Variants in PTPRT observed in about 807,000 individuals in gnomAD.
The protein encoded by PTPRT is protein tyrosine phosphatase receptor type T.
In PTPRT, 56 loss-of-function variants were observed where a neutral mutation model predicts 176.8. That is an observed-to-expected ratio of 0.32 (90% confidence interval 0.26 to 0.40). PTPRT has a LOEUF of 0.40. Ranked by LOEUF, PTPRT falls within the 10% of genes least tolerant of loss-of-function variation. The probability of loss-of-function intolerance (pLI) is 1.00; values close to 1 mark genes in which losing one functional copy is unlikely to be tolerated. For synonymous variants in PTPRT, 783 were observed against 739.0 expected, an observed-to-expected ratio of 1.06 and a Z score of -0.96; for missense variants, 1,540 against 1,908.2, an observed-to-expected ratio of 0.81 and a Z score of 3.60.
At chr20:43,018,747 C>T (rs979410357) in intron 1 of PTPRT, among the ~76,000 whole-genome samples, 2 of 152,074 alleles carry the variant, frequency 1.3e-5, no homozygotes, top group Admixed American at 1.3e-4. Flanking sequence ...ACAAGAAAAA[C>T]AACGCAAACA....
intron 1 of PTPRT, among the ~76,000 whole-genome samples, chr20:43,014,122 T>C (rs1222328191): frequency 6.6e-6 from 1 of 152,108 alleles, no homozygotes; most frequent in African/African-American, 2.4e-5. Flanking sequence ...TATTGAATCA[T>C]GGGAAAAACA....
At chr20:42,961,689 A>G (rs1600597954) in intron 1 of PTPRT, among the ~76,000 whole-genome samples, 1 of 152,294 alleles carries the variant, frequency 6.6e-6, no homozygotes, top group East Asian at 1.9e-4. Flanking sequence ...TACTGTGGTC[A>G]GTTGAATGAT....
Position 42,079,913 on chromosome 20 carries a change from C to G in PTPRT, c.*966G>C, listed in dbSNP as rs1238684122. ...GAGATTTGTCTTAGAGGTACATACT[C>G]AAACTCCCCCGCCCCCTTCTTTTTG... On this transcript the variant is annotated 3_prime_UTR_variant, in exon 31 of 31. Coordinates refer to ENST00000373187, the MANE Select transcript of PTPRT (RefSeq NM_007050.6). 1 of 232,496 alleles carries G rather than the reference C, an allele frequency of 4.3e-6. No individual in the cohort carries two copies. Among genetic ancestry groups the G allele is most frequent in the African/African-American group, 2.2e-5 (1 of 45,312 alleles). The allele number at this position is 232,496 out of a possible 1,614,324, so 14.4% of individuals were successfully genotyped here.
intron 2 of PTPRT, among the ~76,000 whole-genome samples, chr20:42,843,027 A>G (rs1173830556): frequency 6.6e-6 from 1 of 152,206 alleles, no homozygotes; most frequent in East Asian, 1.9e-4. Context: ...GAACCCATCT[A>G]GTCAGGCCTA....
In PTPRT at chr20:42,633,981, T is replaced by TA. The variant is rs1192793251; in HGVS notation, c.1153+43884dup. Reference sequence around the variant, plus strand: ...ATATATAATATATTATAATATATTATATATTATATTATATATATTATATAT... The same window carrying TA: ...ATATATAATATATTATAATATATTATAATATTATATTATATATATTATATAT... On this transcript the variant is annotated intron_variant, in intron 7 of 30. Coordinates refer to ENST00000373187, the MANE Select transcript of PTPRT (RefSeq NM_007050.6). Among the ~76,000 whole-genome samples the TA allele has an allele frequency of 2.8e-3, 89 of 31,354 alleles. 10 individuals carry two copies. Among genetic ancestry groups the TA allele is most frequent in the African/African-American group, 0.014 (86 of 6,022 alleles). The allele number at this position is 31,354 out of a possible 152,430, so 20.6% of individuals were successfully genotyped here.
chr20:42,225,473 T>G (rs2055984658), intron 15 of PTPRT, among the ~76,000 whole-genome samples: 1 of 152,176 alleles, frequency 6.6e-6, no homozygotes, highest in Admixed American at 6.5e-5. Flanking sequence ...TAAATAGGAT[T>G]CAAACTTTCT....
At chr20:42,045,655 C>CTTT in the PTPRT span, among the ~76,000 whole-genome samples, 1 of 148,462 alleles carries the variant, frequency 6.7e-6, no homozygotes, top group African/African-American at 2.5e-5. Context: ...GTGGAAAGTC[C>CTTT]TTTTTTTTTT....
chr20:43,086,011 T>C (rs1480311213), intron 1 of PTPRT, among the ~76,000 whole-genome samples: 5 of 151,772 alleles, frequency 3.3e-5, no homozygotes, highest in African/African-American at 1.2e-4. Flanking sequence ...CACTTGCCAG[T>C]TTTGGGTATC....
At chr20:42,761,820 A>T (rs1308607354) in intron 5 of PTPRT, among the ~76,000 whole-genome samples, 1 of 152,188 alleles carries the variant, frequency 6.6e-6, no homozygotes, top group Non-Finnish European at 1.5e-5. Context: ...ACCTGATATC[A>T]CTTTGCTGAG....
At position 43,189,680 on chromosome 20, in the gene PTPRT, C is replaced by T; in HGVS notation, c.54G>A (p.Pro18=). The change falls in exon 1 of 31, where the codon CCG becomes CCA. Residue 18 remains proline (P), a synonymous_variant. Transcript: ENST00000373187. This position sits in a 1 kb window ranked among gnomAD's most constrained non-coding sequence, Gnocchi z 5.0. The stretch of plus-strand genomic sequence containing the variant: ...TCTGAGCCCGGGCGCCGGGCAGTGG[C>T]GGCAGCTGCAGCCTCAGGAGCAGGC... The part of the protein sequence containing the change: ...ALSLLLRLQL[P]PLPGARAQSA... 2 of 1,318,998 alleles carry T rather than the reference C, an allele frequency of 1.5e-6. No individual in the cohort carries two copies. The highest frequency in any genetic ancestry group is 3.5e-5 in the Admixed American group (1 of 28,568). 81.7% of individuals were successfully genotyped at this position (1,318,998 alleles called of 1,614,324 possible).
At chr20:42,807,155 C>T (rs139156525) in intron 2 of PTPRT, among the ~76,000 whole-genome samples, 1 of 152,328 alleles carries the variant, frequency 6.6e-6, no homozygotes, top group African/African-American at 2.4e-5. Flanking sequence ...AAAGGGATGT[C>T]TGTCCCATTT....
chr20:42,380,953 A>G (rs904755680), intron 9 of PTPRT, among the ~76,000 whole-genome samples: 1 of 152,164 alleles, frequency 6.6e-6, no homozygotes, highest in African/African-American at 2.4e-5. Context: ...GAAACTTACA[A>G]TCATGGTGGA....
intron 9 of PTPRT, among the ~76,000 whole-genome samples, chr20:42,367,814 A>T (rs2058535406): frequency 6.6e-6 from 1 of 152,186 alleles, no homozygotes. Flanking sequence ...GGTCACACAG[A>T]TCTCTGTGAG....
At chr20:43,083,320 GTATATATATATA>G (rs779087395) in intron 1 of PTPRT, among the ~76,000 whole-genome samples, 728 of 37,348 alleles carry the variant, frequency 0.019, 87 homozygotes, top group African/African-American at 0.043. Flanking sequence ...CACTTCAAAT[GTATATATATATA>G]TATATATATA....
intron 7 of PTPRT, among the ~76,000 whole-genome samples, chr20:42,522,427 T>C (rs1163553565): frequency 1.3e-5 from 2 of 152,028 alleles, no homozygotes; most frequent in African/African-American, 4.8e-5. Context: ...GGCACATTTA[T>C]TTGGCAAACT....
chr20:42,348,252 C>A (rs1394965698), intron 11 of PTPRT, among the ~76,000 whole-genome samples: 1 of 151,988 alleles, frequency 6.6e-6, no homozygotes, highest in Non-Finnish European at 1.5e-5. Flanking sequence ...AAGAAACAGT[C>A]TGGAAATAAT....
chr20:42,521,744 T>TA (rs1398318700), intron 7 of PTPRT, among the ~76,000 whole-genome samples: 2 of 152,226 alleles, frequency 1.3e-5, no homozygotes, highest in Non-Finnish European at 2.9e-5. Flanking sequence ...TCTTGCTGTA[T>TA]ATAAAGTGCT....
At chr20:42,454,806 T>G (rs913890872) in intron 8 of PTPRT, among the ~76,000 whole-genome samples, 20 of 152,304 alleles carry the variant, frequency 1.3e-4, no homozygotes, top group Admixed American at 5.9e-4. Context: ...AGAGACAAAT[T>G]TAGTAGCAGA....
intron 25 of PTPRT, among the ~76,000 whole-genome samples, chr20:42,104,162 TG>T (rs1239209039): frequency 2.6e-5 from 4 of 152,290 alleles, no homozygotes; most frequent in Admixed American, 2.0e-4. Flanking sequence ...ACGGGATTAG[TG>T]CTCTTATAAG....
Sources: gnomAD v4.1 joint callset for allele counts (sites outside exome capture counted in the v4.1 genomes callset) on GRCh38, gnomAD v4.1.1 for gene constraint, Gnocchi (gnomAD v3.1) non-coding constraint, MANE v1.5 for transcripts, NCBI Gene and HGNC (gene_info 2026-07-23, HGNC 2026-07-21) for gene names.